Variants in WWOX observed in about 807,000 individuals in gnomAD.
WWOX encodes WW domain-containing oxidoreductase.
A neutral mutation model predicts 46.2 loss-of-function variants in WWOX; 69 were observed. That is an observed-to-expected ratio of 1.49 (90% confidence interval 1.23 to 1.82). WWOX has a LOEUF of 1.82. WWOX is among the 40% of genes most tolerant of loss of function. The probability of loss-of-function intolerance (pLI) is 0.00; values close to 1 mark genes in which losing one functional copy is unlikely to be tolerated. For synonymous variants in WWOX, 359 were observed against 202.6 expected (o/e 1.77, Z -6.56); for missense variants, 919 against 542.6 (o/e 1.69, Z -6.89).
intron 5 of WWOX, among the ~76,000 whole-genome samples, chr16:78,377,585 G>A (rs575199029): frequency 2.6e-5 from 4 of 152,300 alleles, no homozygotes; most frequent in Middle Eastern, 3.4e-3. Flanking sequence ...GCACAATCAT[G>A]TTGACTGCCA....
chr16:78,247,340 C>A (rs1212103653), intron 5 of WWOX, among the ~76,000 whole-genome samples: 1 of 152,142 alleles, frequency 6.6e-6, no homozygotes, highest in East Asian at 1.9e-4. Flanking sequence ...GCGAACAATG[C>A]ACCCGTTATT....
chr16:78,664,953 G>C (rs1412054616), intron 8 of WWOX, among the ~76,000 whole-genome samples: 1 of 152,182 alleles, frequency 6.6e-6, no homozygotes, highest in Non-Finnish European at 1.5e-5. Flanking sequence ...CTAAACCCTG[G>C]TTCAATACAA....
chr16:79,061,619 G>A (rs2048358886), intron 8 of WWOX, among the ~76,000 whole-genome samples: 1 of 152,220 alleles, frequency 6.6e-6, no homozygotes, highest in African/African-American at 2.4e-5. Flanking sequence ...GGCTGTGTGA[G>A]CACTGATCCA....
At chr16:78,436,170 C>G (rs2083331481) in intron 8 of WWOX, among the ~76,000 whole-genome samples, 1 of 152,190 alleles carries the variant, frequency 6.6e-6, no homozygotes, top group African/African-American at 2.4e-5. Flanking sequence ...TGAGCAGTGC[C>G]TTGGTCCCGA....
At chr16:78,579,574 G>C (rs147117326) in intron 8 of WWOX, among the ~76,000 whole-genome samples, 158 of 152,244 alleles carry the variant, frequency 1.0e-3, no homozygotes, top group African/African-American at 3.7e-3. Flanking sequence ...TGCGGAAGTG[G>C]CTTTCTAATT....
In WWOX at chr16:78,964,916, C is replaced by T. The variant is rs531553870; in HGVS notation, c.1057-246692C>T. ...GCTGTGGCTTCAGAGGGTGGAAGCC[C>T]CAAGCCTTGGCAGCCTCCATGTGGT... On this transcript the variant is annotated intron_variant, in intron 8 of 8. Coordinates refer to ENST00000566780, the MANE Select transcript of WWOX (RefSeq NM_016373.4). 3.3e-5 allele frequency among the ~76,000 whole-genome samples: 5 copies of T among 152,210 alleles called. No individual in the cohort carries two copies. In the East Asian group the frequency reaches 7.7e-4, roughly 23 times the overall value.
intron 8 of WWOX, among the ~76,000 whole-genome samples, chr16:78,608,765 CG>C (rs1194948493): frequency 3.9e-5 from 6 of 152,140 alleles, no homozygotes; most frequent in Non-Finnish European, 7.4e-5. Context: ...CAACTAAAGC[CG>C]GGGTCGCCTG....
At chr16:78,568,258 G>A (rs1301686078) in intron 8 of WWOX, among the ~76,000 whole-genome samples, 2 of 151,816 alleles carry the variant, frequency 1.3e-5, no homozygotes, top group Non-Finnish European at 2.9e-5. Flanking sequence ...AAATATATGA[G>A]GTACGGGATG....
intron 6 of WWOX, among the ~76,000 whole-genome samples, chr16:78,417,718 G>C (rs2082831127): frequency 6.6e-6 from 1 of 152,194 alleles, no homozygotes; most frequent in Non-Finnish European, 1.5e-5. Flanking sequence ...TTGAAGCAGA[G>C]TCTAATGAGT....
In WWOX at chr16:78,203,390, A is replaced by G. The variant is rs2151778364; in HGVS notation, c.516+39101A>G. ...ATGGGTAGGTTCATTCAAAAGGGAA[A>G]TATGTTTCAATGGAGAAGAGAAATT... On this transcript the variant is annotated intron_variant, in intron 5 of 8. Transcript: ENST00000566780. Among the ~76,000 whole-genome samples, 3 of 152,338 alleles carry G rather than the reference A, an allele frequency of 2.0e-5. No homozygotes were observed. The Middle Eastern group carries it at 0.01, about 518-fold the overall frequency.
intron 8 of WWOX, among the ~76,000 whole-genome samples, chr16:79,071,562 C>G (rs1341367874): frequency 6.6e-6 from 1 of 152,148 alleles, no homozygotes; most frequent in Non-Finnish European, 1.5e-5. Flanking sequence ...TTTTAGAGTC[C>G]TAAGAAAGGC....
chr16:78,979,048 C>G (rs1336983188), intron 8 of WWOX, among the ~76,000 whole-genome samples: 2 of 151,728 alleles, frequency 1.3e-5, no homozygotes, highest in African/African-American at 4.8e-5. Context: ...CCTTTACGGC[C>G]AGGTCTCCTT....
chr16:78,788,681 G>C (rs2050517963), intron 8 of WWOX, among the ~76,000 whole-genome samples: 1 of 152,230 alleles, frequency 6.6e-6, no homozygotes, highest in Admixed American at 6.5e-5. Flanking sequence ...GGGGTAGCAA[G>C]TGTTTTCCTG....
intron 7 of WWOX, among the ~76,000 whole-genome samples, chr16:78,428,237 G>C (rs2083132948): frequency 6.6e-6 from 1 of 152,370 alleles, no homozygotes; most frequent in East Asian, 1.9e-4. Flanking sequence ...GTTTGGCTTT[G>C]TCAGTTTGTC....
intron 4 of WWOX, among the ~76,000 whole-genome samples, chr16:78,149,171 C>T (rs376806223): frequency 6.6e-6 from 1 of 151,630 alleles, no homozygotes; most frequent in Admixed American, 6.6e-5. Flanking sequence ...TTGTGTTGGA[C>T]GTTAATACAG....
intron 8 of WWOX, among the ~76,000 whole-genome samples, chr16:79,148,473 A>G (rs578162621): frequency 1.3e-5 from 2 of 152,288 alleles, no homozygotes; most frequent in African/African-American, 4.8e-5. Context: ...ATAGCTATGT[A>G]GTAAGCCTCA....
chr16:78,866,141 C>A (rs2043998429), intron 8 of WWOX, among the ~76,000 whole-genome samples: 1 of 152,144 alleles, frequency 6.6e-6, no homozygotes, highest in Non-Finnish European at 1.5e-5. Flanking sequence ...ACATAGATTT[C>A]CCATCTAGCT....
chr16:79,150,658 C>T (rs1003884131), intron 8 of WWOX, among the ~76,000 whole-genome samples: 3 of 152,128 alleles, frequency 2.0e-5, no homozygotes, highest in African/African-American at 7.2e-5. Context: ...AATATTAAAT[C>T]ATCCCTTTTT....
intron 8 of WWOX, among the ~76,000 whole-genome samples, chr16:78,672,495 A>G (rs1043409587): frequency 6.6e-6 from 1 of 152,196 alleles, no homozygotes; most frequent in African/African-American, 2.4e-5. Flanking sequence ...AGGCATGCAC[A>G]GGTATCCTGA....
Sources: allele counts gnomAD v4.1 joint callset (sites outside exome capture counted in the v4.1 genomes callset), GRCh38; gene constraint gnomAD v4.1.1; transcripts MANE v1.5; gene names NCBI Gene and HGNC (gene_info 2026-07-23, HGNC 2026-07-21).